The following PLCL1 variants were observed in gnomAD, a reference collection of about 807,000 sequenced individuals.
PLCL1 encodes the protein phospholipase C like 1 (inactive).
Under a neutral mutation model 84.4 loss-of-function variants are expected in PLCL1, and 41 were observed. The ratio of observed to expected loss-of-function variants is 0.49; its 90% CI spans 0.38 to 0.63. The LOEUF is 0.63. PLCL1 is among the 30% of genes least tolerant of loss of function. The pLI, the probability that PLCL1 is intolerant of heterozygous loss-of-function variation, is 0.00. For missense variants in PLCL1, 1,206 were observed against 1,367.8 expected (o/e 0.88, Z 1.87); for synonymous variants, 490 against 488.3 (o/e 1.00, Z -0.05).
intron 1 of PLCL1, among the ~76,000 whole-genome samples, chr2:197,842,506 G>A (rs939065153): frequency 2.0e-5 from 3 of 151,934 alleles, no homozygotes; most frequent in South Asian, 4.2e-4. Flanking sequence ...TCTCTCAAAG[G>A]GTCATATAAT....
chr2:198,104,234 C>T (rs1234386551), intron 5 of PLCL1, among the ~76,000 whole-genome samples: 1 of 151,954 alleles, frequency 6.6e-6, no homozygotes, highest in Non-Finnish European at 1.5e-5. Flanking sequence ...CTGTTCCTCT[C>T]TTTGTGTCCA....
At chr2:197,943,196 CAAAAAA>C (rs869096042) in intron 1 of PLCL1, among the ~76,000 whole-genome samples, 1 of 104,956 alleles carries the variant, frequency 9.5e-6, no homozygotes, top group Non-Finnish European at 2.0e-5. Context: ...GACCCTCTCT[CAAAAAA>C]AAAAAAAAAA....
At chr2:197,952,167 C>G (rs1293024934) in intron 1 of PLCL1, among the ~76,000 whole-genome samples, 1 of 152,156 alleles carries the variant, frequency 6.6e-6, no homozygotes, top group Non-Finnish European at 1.5e-5. Context: ...TACAATCCTT[C>G]TATCCCGTGA....
Position 198,084,863 on chromosome 2 carries a change from G to T in PLCL1, c.1346G>T (p.Gly449Val). ...AGCGTTGAACTCGATGTAAGTGATG[G>T]TTCAGATAATGAACCAATCCTTTGT... is the stretch of plus-strand genomic sequence containing the variant. ...CRSVELDVSD[G>V]SDNEPILCNR... The change falls in exon 2 of 6, where the codon GGT (glycine) becomes GTT (valine). Residue 449 changes from glycine (G) to valine (V), a missense_variant. Coordinates refer to ENST00000428675, the MANE Select transcript of PLCL1 (RefSeq NM_006226.4). 6.2e-7 allele frequency: 1 copy of T among 1,613,988 alleles called. No individual in the cohort carries two copies. The highest frequency in any genetic ancestry group is 8.5e-7 in the Non-Finnish European group (1 of 1,179,958).
At chr2:197,870,948 T>C (rs1687640229) in intron 1 of PLCL1, among the ~76,000 whole-genome samples, 1 of 152,090 alleles carries the variant, frequency 6.6e-6, no homozygotes, top group East Asian at 1.9e-4. Flanking sequence ...CCATCCGTGA[T>C]TCAGATGCTC....
chr2:197,846,178 A>G (rs541989198), intron 1 of PLCL1, among the ~76,000 whole-genome samples: 1 of 152,140 alleles, frequency 6.6e-6, no homozygotes, highest in Admixed American at 6.6e-5. Flanking sequence ...TGTATAGAAA[A>G]TGAAGTGTTT....
rs143741736 is a variant in PLCL1, at chr2:197,868,506, C to T, written c.240+63167C>T. Among the ~76,000 whole-genome samples, 12 of 152,088 alleles carry T rather than the reference C, an allele frequency of 7.9e-5. No individual in the cohort carries two copies. In the East Asian group the frequency reaches 2.3e-3, roughly 29 times the overall value. ...ATCAGTTTGTTTTTAAAAAATTTTA[C>T]ACTTTTTTTTTAAAGACAGGATTTT... On this transcript the variant is annotated intron_variant, in intron 1 of 5. Transcript: ENST00000428675.
intron 1 of PLCL1, among the ~76,000 whole-genome samples, chr2:197,860,551 CT>C (rs1439558772): frequency 6.6e-6 from 1 of 152,014 alleles, no homozygotes; most frequent in Non-Finnish European, 1.5e-5. Context: ...TATTTTTTGA[CT>C]TTTTAATAAT....
At chr2:198,012,931 A>G (rs926752189) in intron 1 of PLCL1, among the ~76,000 whole-genome samples, 1 of 152,010 alleles carries the variant, frequency 6.6e-6, no homozygotes, top group Non-Finnish European at 1.5e-5. Context: ...CTGTATTTTA[A>G]ACTGATAACA....
chr2:197,852,661 A>C (rs1272366443), intron 1 of PLCL1, among the ~76,000 whole-genome samples: 1 of 152,148 alleles, frequency 6.6e-6, no homozygotes, highest in African/African-American at 2.4e-5. Flanking sequence ...CTGCTAATTA[A>C]TGTTATAATT....
chr2:197,974,550 T>A (rs1689929389), intron 1 of PLCL1, among the ~76,000 whole-genome samples: 1 of 152,264 alleles, frequency 6.6e-6, no homozygotes, highest in African/African-American at 2.4e-5. Context: ...CAAGTACTGA[T>A]GATAGGCTCA....
At chr2:198,036,759 A>G (rs1394308234) in intron 1 of PLCL1, among the ~76,000 whole-genome samples, 1 of 152,250 alleles carries the variant, frequency 6.6e-6, no homozygotes, top group African/African-American at 2.4e-5. Context: ...AGCAAGCCAG[A>G]CAAAATTCTG....
At chr2:198,089,381 A>T (rs1385946123) in intron 3 of PLCL1, among the ~76,000 whole-genome samples, 1 of 152,228 alleles carries the variant, frequency 6.6e-6, no homozygotes, top group Admixed American at 6.5e-5. Flanking sequence ...CCATTTAATT[A>T]TATACCTATG....
At chr2:197,848,518 G>T (rs748387007) in intron 1 of PLCL1, among the ~76,000 whole-genome samples, 10 of 152,238 alleles carry the variant, frequency 6.6e-5, no homozygotes, top group Middle Eastern at 6.8e-3. Context: ...ACTAGGCCGA[G>T]GTAGTTTGAT....
chr2:198,089,739 G>A (rs1692972754), intron 3 of PLCL1, among the ~76,000 whole-genome samples: 3 of 152,164 alleles, frequency 2.0e-5, no homozygotes, highest in Non-Finnish European at 4.4e-5. Flanking sequence ...AGGAAATAAG[G>A]GGAGAATGGA....
At chr2:197,954,246 C>T (rs920730938) in intron 1 of PLCL1, among the ~76,000 whole-genome samples, 10 of 152,012 alleles carry the variant, frequency 6.6e-5, no homozygotes, top group East Asian at 1.9e-4. Flanking sequence ...TGAAGTGAAA[C>T]GAAATGCAAG....
At chr2:198,131,598 A>G (rs1440293477) in intron 5 of PLCL1, among the ~76,000 whole-genome samples, 3 of 152,192 alleles carry the variant, frequency 2.0e-5, no homozygotes, top group Non-Finnish European at 4.4e-5. Context: ...CCAAAGTCAC[A>G]AAGTCAATTC....
rs1039526954 is a variant in PLCL1, at chr2:198,001,828, G to T, written c.241-81930G>T. The stretch of plus-strand genomic sequence containing the variant: ...CTCTGCCTCCTGTCAGATCAGTGGC[G>T]GCATTAGATTCTCATAGGAGCGCGA... On this transcript the variant is annotated intron_variant, in intron 1 of 5. Coordinates refer to ENST00000428675, the MANE Select transcript of PLCL1 (RefSeq NM_006226.4). The T allele has an allele frequency of 3.3e-5, 6 of 183,770 alleles. 1 individual carries two copies. The highest frequency in any genetic ancestry group is 2.7e-4 in the Admixed American group (5 of 18,522). 11.4% of individuals were successfully genotyped at this position (183,770 alleles called of 1,614,324 possible). A position where few individuals can be genotyped will look rare whatever the true frequency, so the allele number is the denominator to read the frequency against.
intron 1 of PLCL1, among the ~76,000 whole-genome samples, chr2:197,887,297 T>C (rs967018498): frequency 1.3e-5 from 2 of 152,204 alleles, no homozygotes; most frequent in African/African-American, 4.8e-5. Flanking sequence ...ATTCAGTTAA[T>C]TCTGAGGGAG....
Sources: gnomAD v4.1 joint callset for allele counts (sites outside exome capture counted in the v4.1 genomes callset) on GRCh38, gnomAD v4.1.1 for gene constraint, MANE v1.5 for transcripts, NCBI Gene and HGNC (gene_info 2026-07-23, HGNC 2026-07-21) for gene names.